MEF2A: variants seen among roughly 807,000 people sequenced by gnomAD.
MEF2A encodes myocyte enhancer factor 2A, also known as myocyte-specific enhancer factor 2A.
In MEF2A, 28 loss-of-function variants were observed where a neutral mutation model predicts 55.8. The ratio of observed to expected loss-of-function variants is 0.50; its 90% CI spans 0.37 to 0.69. MEF2A has a LOEUF of 0.69. MEF2A is among the 30% of genes least tolerant of loss of function. The pLI is 0.00. For missense variants in MEF2A, 528 were observed against 626.2 expected (o/e 0.84, Z 1.67); for synonymous variants, 239 against 227.1 (o/e 1.05, Z -0.47).
chr15:99,573,404 C>T (rs1364216760), intron 1 of MEF2A, among the ~76,000 whole-genome samples: 1 of 151,834 alleles, frequency 6.6e-6, no homozygotes, highest in African/African-American at 2.4e-5. Flanking sequence ...TATAATCTTA[C>T]TTTATGTGTT....
rs551360039 is a variant in MEF2A, at chr15:99,615,505, A to G, written c.-143+16994A>G. ...TGCAGATTACTAGGCCAAATACTTC[A>G]TATGTGTTATCTCTTAATCTTTACA... On this transcript the variant is annotated intron_variant, in intron 2 of 11. Transcript: ENST00000557942. Among the ~76,000 whole-genome samples, 132 of 152,320 alleles carry G rather than the reference A, an allele frequency of 8.7e-4. 2 individuals carry two copies. Among genetic ancestry groups the G allele is most frequent in the Non-Finnish European group, 1.2e-3 (84 of 68,034 alleles).
chr15:99,692,650 C>CT (rs1214843946), intron 8 of MEF2A, among the ~76,000 whole-genome samples: 1 of 152,094 alleles, frequency 6.6e-6, no homozygotes, highest in Non-Finnish European at 1.5e-5. Context: ...CTCTTGTATA[C>CT]TTTTTTACTC....
rs144401445 is a variant in MEF2A, at chr15:99,571,365, G to C, written c.-225+5261G>C. On this transcript the variant is annotated intron_variant, in intron 1 of 11. Transcript: ENST00000557942. ...CATTATTTCATACAGTTTTTGAGAG[G>C]ATTAAATGAGGTGTGTATTATAAAG... is the stretch of plus-strand genomic sequence containing the variant. 1.4e-4 allele frequency among the ~76,000 whole-genome samples: 21 copies of C among 152,190 alleles called. No individual in the cohort carries two copies. The East Asian group carries it at 4.0e-3, about 29-fold the overall frequency.
intron 1 of MEF2A, among the ~76,000 whole-genome samples, chr15:99,582,668 T>C (rs1212056902): frequency 6.6e-6 from 1 of 152,142 alleles, no homozygotes; most frequent in Non-Finnish European, 1.5e-5. Context: ...AAGTCGCTAT[T>C]CATCTAGCAT....
chr15:99,576,176 C>G (rs1385490072), intron 1 of MEF2A, among the ~76,000 whole-genome samples: 2 of 152,154 alleles, frequency 1.3e-5, no homozygotes, highest in Non-Finnish European at 2.9e-5. Context: ...AGCCTTTTGG[C>G]TTATTAACCT....
intron 2 of MEF2A, among the ~76,000 whole-genome samples, chr15:99,603,204 T>G (rs949686979): frequency 6.6e-6 from 1 of 152,166 alleles, no homozygotes; most frequent in Non-Finnish European, 1.5e-5. Flanking sequence ...TTTTTTTTCC[T>G]TGACCCACGT....
intron 1 of MEF2A, among the ~76,000 whole-genome samples, chr15:99,576,594 T>C (rs1353238763): frequency 6.6e-6 from 1 of 152,050 alleles, no homozygotes; most frequent in Non-Finnish European, 1.5e-5. Context: ...TTTTATATAT[T>C]TTGTTTTTAA....
intron 2 of MEF2A, among the ~76,000 whole-genome samples, chr15:99,619,136 A>G (rs2040711769): frequency 6.6e-6 from 1 of 152,172 alleles, no homozygotes; most frequent in Admixed American, 6.5e-5. Flanking sequence ...TCTAGGGTTT[A>G]TAGTCAACGC....
intron 8 of MEF2A, among the ~76,000 whole-genome samples, chr15:99,701,804 AG>A (rs2057417128): frequency 6.6e-6 from 1 of 152,236 alleles, no homozygotes; most frequent in Non-Finnish European, 1.5e-5. Flanking sequence ...CTCACCTTTC[AG>A]GTACTGGATA....
intron 3 of MEF2A, among the ~76,000 whole-genome samples, chr15:99,634,650 T>G (rs1350321118): frequency 6.6e-6 from 1 of 152,154 alleles, no homozygotes; most frequent in East Asian, 1.9e-4. Context: ...GGATTCACAT[T>G]TGTAGAGAGA....
Position 99,574,687 on chromosome 15 carries a change from C to T in MEF2A, c.-225+8583C>T, listed in dbSNP as rs113057595. ...GGAGCTCAGGTGGTAATGCAAGCGA[C>T]GGGGAGCGGCTGTAAATACAGATGA... On this transcript the variant is annotated intron_variant, in intron 1 of 11. Coordinates refer to ENST00000557942, the MANE Select transcript of MEF2A (RefSeq NM_001319206.4). 3.9e-3 allele frequency among the ~76,000 whole-genome samples: 601 copies of T among 152,242 alleles called. 6 individuals are homozygous for T. Among genetic ancestry groups the T allele is most frequent in the African/African-American group, 0.013 (553 of 41,540 alleles).
intron 1 of MEF2A, among the ~76,000 whole-genome samples, chr15:99,572,013 G>GTTTTTTTTTTTTTTTTTTTTTTTTTTT (rs36027608): frequency 2.3e-5 from 3 of 128,374 alleles, no homozygotes; most frequent in African/African-American, 2.8e-5. Context: ...CTCCATAGAA[G>GTTTTTTTTTTTTTTTTTTTTTTTTTTT]TTTTTTTTTT....
chr15:99,654,304 TATC>T (rs1269075784), intron 4 of MEF2A, among the ~76,000 whole-genome samples: 1 of 152,098 alleles, frequency 6.6e-6, no homozygotes, highest in Non-Finnish European at 1.5e-5. Flanking sequence ...TTTGCTATAT[TATC>T]CATTTATTTA....
intron 1 of MEF2A, among the ~76,000 whole-genome samples, chr15:99,586,134 T>G (rs1208508165): frequency 6.6e-6 from 1 of 152,218 alleles, no homozygotes; most frequent in Non-Finnish European, 1.5e-5. Context: ...GCTATGAAGA[T>G]TTGAGTACAT....
At chr15:99,665,731 C>CAAAAAAAAAAAAA (rs752473261) in intron 4 of MEF2A, among the ~76,000 whole-genome samples, 24 of 20,232 alleles carry the variant, frequency 1.2e-3, no homozygotes, top group Non-Finnish European at 1.4e-3. Flanking sequence ...CTTAAATTTA[C>CAAAAAAAAAAAAA]AAAAAAAAAA....
intron 1 of MEF2A, among the ~76,000 whole-genome samples, chr15:99,568,315 A>G (rs1960642448): frequency 6.6e-6 from 1 of 152,162 alleles, no homozygotes; most frequent in African/African-American, 2.4e-5. Context: ...TCATATGGGT[A>G]TGTGTGACAA....
intron 1 of MEF2A, among the ~76,000 whole-genome samples, chr15:99,578,860 T>C (rs1965119668): frequency 6.6e-6 from 1 of 152,248 alleles, no homozygotes; most frequent in Non-Finnish European, 1.5e-5. Context: ...GGCATGGTTT[T>C]AGACATGTTA....
intron 2 of MEF2A, among the ~76,000 whole-genome samples, chr15:99,631,296 T>C (rs2153398937): frequency 6.6e-6 from 1 of 152,266 alleles, no homozygotes; most frequent in African/African-American, 2.4e-5. Context: ...ACAGTACAAG[T>C]GTTTATATTG....
At chr15:99,705,713 G>A (rs2057956798) in intron 9 of MEF2A, among the ~76,000 whole-genome samples, 1 of 152,210 alleles carries the variant, frequency 6.6e-6, no homozygotes, top group South Asian at 2.1e-4. Context: ...TGAAAATTGT[G>A]ATAGAGAAAA....
Sources: allele counts gnomAD v4.1 joint callset (sites outside exome capture counted in the v4.1 genomes callset), GRCh38; gene constraint gnomAD v4.1.1; transcripts MANE v1.5; gene names NCBI Gene and HGNC (gene_info 2026-07-23, HGNC 2026-07-21).